The following METTL4 variants were observed in gnomAD, a reference collection of about 807,000 sequenced individuals.
METTL4 encodes N(6)-adenine-specific methyltransferase METTL4.
METTL4 carries 40 observed loss-of-function variants against 54.0 expected under a neutral mutation model. That is an observed-to-expected ratio of 0.74 (90% CI 0.58 to 0.96). The LOEUF (loss-of-function observed/expected upper bound fraction) is 0.96, where lower values mean the gene tolerates loss of function less well. METTL4 is among the 50% of genes least tolerant of loss of function. The probability of loss-of-function intolerance (pLI) is 0.00; values close to 1 mark genes in which losing one functional copy is unlikely to be tolerated. For missense variants in METTL4, 525 were observed against 549.0 expected (o/e 0.96, Z 0.44); for synonymous variants, 169 against 183.8 (o/e 0.92, Z 0.65).
At position 2,563,243 on chromosome 18, in the gene METTL4, A is replaced by T. The variant is rs370545423; in HGVS notation, c.459+554T>A. 4.6e-5 allele frequency among the ~76,000 whole-genome samples: 7 copies of T among 152,198 alleles called. No individual in the cohort carries two copies. In the South Asian group the frequency reaches 1.4e-3, roughly 32 times the overall value. ...AATCTCTAAACTTAACCAATATAGC[A>T]TAAGTTTACTTTGTTAAATATTTAA... On this transcript the variant is annotated intron_variant, in intron 3 of 8. Transcript: ENST00000574538.
At chr18:2,548,107 T>C (rs2072099214) in intron 5 of METTL4, among the ~76,000 whole-genome samples, 1 of 152,160 alleles carries the variant, frequency 6.6e-6, no homozygotes, top group South Asian at 2.1e-4. Context: ...ACCCCTAATC[T>C]ATCATCTTGC....
intron 3 of METTL4, among the ~76,000 whole-genome samples, chr18:2,557,321 A>C (rs1227630928): frequency 1.3e-5 from 2 of 152,142 alleles, no homozygotes; most frequent in African/African-American, 4.8e-5. Flanking sequence ...TTAAAAAATA[A>C]AAATAAAAAA....
chr18:2,548,520 A>G (rs1228393629), intron 5 of METTL4, among the ~76,000 whole-genome samples: 3 of 152,176 alleles, frequency 2.0e-5, no homozygotes, highest in Non-Finnish European at 4.4e-5. Context: ...ACTGGCCACT[A>G]TTCTGAACAA....
chr18:2,539,130 T>C lies in METTL4; in HGVS notation c.1289A>G (p.Tyr430Cys), dbSNP rs767352734. The C allele has an allele frequency of 5.0e-6, 8 of 1,613,532 alleles. No individual in the cohort carries two copies. Among genetic ancestry groups the C allele is most frequent in the Non-Finnish European group, 6.8e-6 (8 of 1,179,634 alleles). The change falls in exon 9 of 9, where the codon TAC becomes TGC. Residue 430 changes from tyrosine (Y) to cysteine (C), a missense_variant. Transcript: ENST00000574538. ...KPPLAEVLKD[Y>C]IKPDGEYLEL... is the part of the protein sequence containing the mutation. Reference sequence around the variant, plus strand: ...CAAATATTCCCCATCTGGCTTGATGTAGTCTTTTAAAACCTCTGTTTAAAA... The same window carrying C: ...CAAATATTCCCCATCTGGCTTGATGCAGTCTTTTAAAACCTCTGTTTAAAA...
chr18:2,560,475 C>T (rs1417524656), intron 3 of METTL4, among the ~76,000 whole-genome samples: 1 of 152,060 alleles, frequency 6.6e-6, no homozygotes, highest in African/African-American at 2.4e-5. Flanking sequence ...AGTTCTCCAG[C>T]GTGCAAACAT....
In METTL4 at chr18:2,567,605, C is replaced by T. The variant is rs1444801088; in HGVS notation, c.-389G>A. 6.3e-6 allele frequency: 1 copy of T among 159,216 alleles called. No homozygotes were observed. Among genetic ancestry groups the T allele is most frequent in the African/African-American group, 2.4e-5 (1 of 41,556 alleles). 9.9% of individuals were successfully genotyped at this position (159,216 alleles called of 1,614,324 possible). ...GGTCCTTGGGTCTAGCCACTAGGTC[C>T]ACATCCTCCAAGTCAGGAAGTCATT... On this transcript the variant is annotated 5_prime_UTR_variant, in exon 2 of 9. The change creates a premature stop within an existing upstream ORF in the 5' untranslated region. Transcript: ENST00000574538.
chr18:2,543,113 CA>C (rs34850061), intron 8 of METTL4, among the ~76,000 whole-genome samples: 1,857 of 85,388 alleles, frequency 0.022, 37 homozygotes, highest in African/African-American at 0.065. Context: ...GACTCCATCT[CA>C]AAAAAAAAAA....
At chr18:2,560,095 CAAAAAACCTGAAAATCCGGTTCTCTATT>C (rs1490602791) in intron 3 of METTL4, among the ~76,000 whole-genome samples, 2 of 152,094 alleles carry the variant, frequency 1.3e-5, no homozygotes, top group African/African-American at 4.8e-5. Flanking sequence ...TCAATAGAAA[CAAAAAACCTGAAAATCCGGTTCTCTATT>C]AAAAAACCTG....
chr18:2,570,856 C>A (rs1478603755), intron 1 of METTL4, among the ~76,000 whole-genome samples: 1 of 152,192 alleles, frequency 6.6e-6, no homozygotes, highest in Non-Finnish European at 1.5e-5. Flanking sequence ...AGGTACCGGG[C>A]AGTGCCTGTT....
chr18:2,566,529 G>C (rs34108187), intron 2 of METTL4, among the ~76,000 whole-genome samples: 23,749 of 151,928 alleles, frequency 0.16, 2,216 homozygotes, highest in South Asian at 0.28. Context: ...GGAGTTTTTT[G>C]TTTGGCTTTT....
rs2072436898 is a variant in METTL4 at position 2,567,327 on chromosome 18, CAGAT to C, written c.-115_-112del. Reference sequence around the variant, plus strand: ...TCAATAAACATACACTTCATACACACAGATAGATTTGATATACAAGTACAAAAAC... The same window carrying C: ...TCAATAAACATACACTTCATACACACAGATTTGATATACAAGTACAAAAAC... On this transcript the variant is annotated 5_prime_UTR_variant, in exon 2 of 9. It introduces an in-frame stop codon into an upstream open reading frame of the 5' UTR. Transcript: ENST00000574538. The C allele has an allele frequency of 1.1e-6, 1 of 947,458 alleles. No homozygotes were observed. The highest frequency in any genetic ancestry group is 2.8e-5 in the Admixed American group (1 of 35,596). The allele number at this position is 947,458 out of a possible 1,614,324, so 58.7% of individuals were successfully genotyped here.
chr18:2,557,066 G>C (rs934408313), intron 3 of METTL4, among the ~76,000 whole-genome samples: 3 of 152,136 alleles, frequency 2.0e-5, no homozygotes, highest in Non-Finnish European at 2.9e-5. Context: ...ATTGCCTGGA[G>C]AGAGTTTCCA....
In METTL4 at chr18:2,552,062, G is replaced by A. The variant is rs572909860; in HGVS notation, c.899+633C>T. ...ACAAAAATTAGCCGGGCATGGTGGCGTGCGCCTGTACTCCCAGCTACTCGG... is the reference window on the plus strand; with the variant it reads ...ACAAAAATTAGCCGGGCATGGTGGCATGCGCCTGTACTCCCAGCTACTCGG... On this transcript the variant is annotated intron_variant, in intron 5 of 8. Transcript: ENST00000574538. 4.6e-4 allele frequency among the ~76,000 whole-genome samples: 70 copies of A among 152,014 alleles called. 1 individual carries two copies. In the South Asian group the frequency reaches 8.1e-3, roughly 18 times the overall value.
At position 2,544,773 on chromosome 18, in the gene METTL4, G is replaced by A. The variant is rs1356346085; in HGVS notation, c.1075-14C>T. 4 of 1,562,688 alleles carry A rather than the reference G, an allele frequency of 2.6e-6. No homozygotes were observed. Among genetic ancestry groups the A allele is most frequent in the South Asian group, 2.2e-5 (2 of 89,702 alleles). On this transcript the variant is annotated splice_polypyrimidine_tract_variant and intron_variant, in intron 6 of 8. Transcript: ENST00000574538. ...TGAATTGGTTATCTGATAGGAAGGA[G>A]CCAACAAAAGAGGGTTATTTTTTCC...
intron 3 of METTL4, 50 bp from the exon 4 acceptor site, chr18:2,555,088 A>G (rs575668947): frequency 1.3e-6 from 2 of 1,544,514 alleles, no homozygotes; most frequent in Admixed American, 3.9e-5. Context: ...TTAAAAAAGA[A>G]CATTGACTGT....
Position 2,538,857 on chromosome 18 carries a change from A to T in METTL4, c.*143T>A. On this transcript the variant is annotated 3_prime_UTR_variant, in exon 9 of 9. Coordinates refer to ENST00000574538, the MANE Select transcript of METTL4 (RefSeq NM_022840.5). ...TCTTAAAATTACATGAAGGCTAGTC[A>T]CTTCTGGTCCCTTACTGAAAAAAAC... is the stretch of plus-strand genomic sequence containing the variant. The T allele has an allele frequency of 1.3e-6, 1 of 747,390 alleles. No homozygotes were observed. Among genetic ancestry groups the T allele is most frequent in the Non-Finnish European group, 2.1e-6 (1 of 467,996 alleles). 46.3% of individuals were successfully genotyped at this position (747,390 alleles called of 1,614,324 possible).
chr18:2,557,490 A>C (rs2072256268), intron 3 of METTL4, among the ~76,000 whole-genome samples: 1 of 152,134 alleles, frequency 6.6e-6, no homozygotes, highest in Non-Finnish European at 1.5e-5. Flanking sequence ...AAGGATATGT[A>C]TACAACATGG....
At chr18:2,545,557 C>T (rs1651551478) in intron 6 of METTL4, among the ~76,000 whole-genome samples, 1 of 152,026 alleles carries the variant, frequency 6.6e-6, no homozygotes, top group Admixed American at 6.6e-5. Flanking sequence ...CTCTCAAAGA[C>T]TCATTTAAGC....
chr18:2,551,468 G>A (rs2072159467), intron 5 of METTL4, among the ~76,000 whole-genome samples: 1 of 152,118 alleles, frequency 6.6e-6, no homozygotes, highest in South Asian at 2.1e-4. Context: ...TATGGAGGCT[G>A]AGGCAGGAGG....
Sources: gnomAD v4.1 joint callset for allele counts (sites outside exome capture counted in the v4.1 genomes callset) on GRCh38, gnomAD v4.1.1 for gene constraint, MANE v1.5 for transcripts, NCBI Gene and HGNC (gene_info 2026-07-23, HGNC 2026-07-21) for gene names.